The following ATP2C1 variants were observed in gnomAD, a reference collection of about 807,000 sequenced individuals.
ATP2C1 encodes the protein ATPase secretory pathway Ca2+ transporting 1, also known as calcium-transporting ATPase type 2C member 1.
ATP2C1 carries 31 observed loss-of-function variants against 120.5 expected under a neutral mutation model. That is an observed-to-expected ratio of 0.26 (90% CI 0.19 to 0.35). The LOEUF (loss-of-function observed/expected upper bound fraction) is 0.35, where lower values mean the gene tolerates loss of function less well. ATP2C1 is among the 10% of genes least tolerant of loss of function. The pLI is 1.00. For missense variants in ATP2C1, 731 were observed against 1,107.5 expected, an observed-to-expected ratio of 0.66 and a Z score of 4.83; for synonymous variants, 351 against 358.7, an observed-to-expected ratio of 0.98 and a Z score of 0.24.
In ATP2C1 at chr3:130,953,869, C is replaced by G; in HGVS notation, c.580C>G (p.Pro194Ala). ...DESSLTGETT[P>A]CSKVTAPQPA... ...GTCCAGCTTGACAGGTGAGACAACG[C>G]CTTGTTCTAAGGTGACAGCTCCTCA... Residue 194 changes from proline to alanine, a missense_variant, in exon 9 of 28, where the codon CCT (proline) becomes GCT (alanine). Around this residue, in one of 3 missense-constraint regions of ATP2C1, gnomAD observed 571 missense variants for 845.9 expected, o/e 0.67. Transcript: ENST00000510168. The G allele has an allele frequency of 6.2e-7, 1 of 1,614,000 alleles. No homozygotes were observed. Among genetic ancestry groups the G allele is most frequent in the African/African-American group, 1.3e-5 (1 of 75,012 alleles).
chr3:130,853,315 C>A (rs528462019), intron 1 of ATP2C1, among the ~76,000 whole-genome samples: 50 of 152,276 alleles, frequency 3.3e-4, no homozygotes, highest in Middle Eastern at 6.8e-3. Flanking sequence ...TAGGAGCCAA[C>A]TGAGAAAGTT....
At chr3:130,925,363 A>C (rs1432067070) in intron 2 of ATP2C1, among the ~76,000 whole-genome samples, 2 of 152,190 alleles carry the variant, frequency 1.3e-5, no homozygotes, top group Non-Finnish European at 2.9e-5. Flanking sequence ...CTAGCCACCC[A>C]GTCGAGCTAC....
chr3:130,936,584 G>A (rs576739162), intron 5 of ATP2C1, among the ~76,000 whole-genome samples: 14 of 151,814 alleles, frequency 9.2e-5, no homozygotes, highest in African/African-American at 3.1e-4. Flanking sequence ...AGGCTGAGGC[G>A]GGTGGATCAT....
In ATP2C1 at chr3:130,953,846, C is replaced by G. The variant is rs774579539; in HGVS notation, c.557C>G (p.Ser186Cys). 2 of 1,613,968 alleles carry G rather than the reference C, an allele frequency of 1.2e-6. No individual in the cohort carries two copies. Among genetic ancestry groups the G allele is most frequent in the Admixed American group, 3.3e-5 (2 of 59,986 alleles). ...GCTGTGGATCTTTCCATTGATGAGT[C>G]CAGCTTGACAGGTGAGACAACGCCT... ...FEAVDLSIDE[S>C]SLTGETTPCS... The change falls in exon 9 of 28, where the codon TCC becomes TGC. Residue 186 changes from serine to cysteine, a missense_variant. Ser to Cys is a moderately radical substitution (Grantham distance 112). Coordinates refer to ENST00000510168, the MANE Select transcript of ATP2C1 (RefSeq NM_001378687.1).
chr3:130,984,452 C>T (rs544745327), intron 20 of ATP2C1, among the ~76,000 whole-genome samples: 3 of 152,318 alleles, frequency 2.0e-5, no homozygotes, highest in East Asian at 1.9e-4. Flanking sequence ...CCATAAACTA[C>T]ACTTCATACA....
chr3:130,971,342 C>A (rs780467777), intron 17 of ATP2C1, among the ~76,000 whole-genome samples: 4 of 152,164 alleles, frequency 2.6e-5, no homozygotes, highest in Non-Finnish European at 4.4e-5. Context: ...TTTGATTATT[C>A]TTCACACTTG....
chr3:130,927,444 T>C (rs1317991913), intron 2 of ATP2C1, among the ~76,000 whole-genome samples: 1 of 152,150 alleles, frequency 6.6e-6, no homozygotes, highest in Non-Finnish European at 1.5e-5. Context: ...GGTTTCATTA[T>C]GTTAGCCAGG....
chr3:130,964,734 ACATGT>A (rs1019060676), intron 13 of ATP2C1, among the ~76,000 whole-genome samples: 1 of 152,054 alleles, frequency 6.6e-6, no homozygotes, highest in Non-Finnish European at 1.5e-5. Context: ...ATAAATAAGA[ACATGT>A]CATCATCTAA....
At chr3:130,963,865 C>A in intron 12 of ATP2C1, 106 bp from the exon 13 acceptor site, 2 of 1,352,966 alleles carry the variant, frequency 1.5e-6, no homozygotes, top group Non-Finnish European at 2.1e-6. Flanking sequence ...TAGGTATTGA[C>A]TATATTAATT....
At chr3:130,858,794 G>A (rs971419505) in intron 1 of ATP2C1, among the ~76,000 whole-genome samples, 5 of 152,190 alleles carry the variant, frequency 3.3e-5, no homozygotes, top group African/African-American at 1.2e-4. Context: ...AAGAATCTTA[G>A]GGCTGTAGTA....
intron 20 of ATP2C1, among the ~76,000 whole-genome samples, chr3:130,988,260 T>C (rs977606171): frequency 6.6e-5 from 10 of 151,628 alleles, no homozygotes; most frequent in Admixed American, 2.0e-4. Flanking sequence ...TTTTCCTTTC[T>C]TTTTTTTTGT....
chr3:130,865,352 C>T (rs372512028), intron 1 of ATP2C1, among the ~76,000 whole-genome samples: 18 of 152,106 alleles, frequency 1.2e-4, no homozygotes, highest in Admixed American at 2.0e-4. Flanking sequence ...GGCTCATAGG[C>T]GGAAGGGACT....
intron 8 of ATP2C1, among the ~76,000 whole-genome samples, chr3:130,946,190 G>A (rs2060146581): frequency 6.6e-6 from 1 of 152,166 alleles, no homozygotes; most frequent in African/African-American, 2.4e-5. Flanking sequence ...TGGATTATCA[G>A]ACCATTTTAA....
chr3:130,981,136 C>G (rs2061739966), intron 20 of ATP2C1, among the ~76,000 whole-genome samples: 1 of 152,094 alleles, frequency 6.6e-6, no homozygotes, highest in Non-Finnish European at 1.5e-5. Context: ...TGACCACCAC[C>G]ACAATCAAGA....
intron 1 of ATP2C1, chr3:130,856,110 T>C (rs985642428): frequency 3.3e-5 from 5 of 152,068 alleles, no homozygotes; most frequent in Admixed American, 2.6e-4. Context: ...AGCTACATTT[T>C]AATTACAGAG....
intron 20 of ATP2C1, among the ~76,000 whole-genome samples, chr3:130,988,307 C>T (rs2062122966): frequency 6.6e-6 from 1 of 151,912 alleles, no homozygotes; most frequent in Non-Finnish European, 1.5e-5. Flanking sequence ...CTATTAATTT[C>T]CATCAAAAGA....
intron 19 of ATP2C1, among the ~76,000 whole-genome samples, chr3:130,980,380 G>A (rs1318236129): frequency 6.6e-6 from 1 of 151,704 alleles, no homozygotes; most frequent in African/African-American, 2.4e-5. Flanking sequence ...GGCCAGCCTT[G>A]AAAATTCTTT....
At chr3:130,994,195 T>A in intron 22 of ATP2C1, 97 bp downstream of exon 22, 1 of 1,439,200 alleles carries the variant, frequency 6.9e-7, no homozygotes. Flanking sequence ...AATTAGTATT[T>A]AAACATTAGG....
chr3:130,874,969 CGAAT>C (rs1169759283), intron 1 of ATP2C1, among the ~76,000 whole-genome samples: 1 of 152,084 alleles, frequency 6.6e-6, no homozygotes, highest in Non-Finnish European at 1.5e-5. Context: ...ATCTTGGAAA[CGAAT>C]GGATTTTTTC....
Sources: gnomAD v4.1 joint callset for allele counts (sites outside exome capture counted in the v4.1 genomes callset) on GRCh38, gnomAD v4.1.1 for gene constraint, gnomAD v4.1.1 regional missense constraint, MANE v1.5 for transcripts, NCBI Gene and HGNC (gene_info 2026-07-23, HGNC 2026-07-21) for gene names.